The following ZSWIM6 variants were observed in gnomAD, a reference collection of about 807,000 sequenced individuals.
The protein encoded by ZSWIM6 is zinc finger SWIM domain-containing protein 6.
Under a neutral mutation model 113.2 loss-of-function variants are expected in ZSWIM6, and 9 were observed. The observed-to-expected ratio is 0.08, with a 90% CI of 0.05 to 0.14. The LOEUF is 0.14. ZSWIM6 is among the 10% of genes least tolerant of loss of function. The probability of loss-of-function intolerance (pLI) is 1.00; values close to 1 mark genes in which losing one functional copy is unlikely to be tolerated. For synonymous variants in ZSWIM6, 611 were observed against 606.5 expected, an observed-to-expected ratio of 1.01 and a Z score of -0.11; for missense variants, 1,162 against 1,552.2, an observed-to-expected ratio of 0.75 and a Z score of 4.22.
At chr5:61,490,156 T>C (rs1312111162) in intron 2 of ZSWIM6, among the ~76,000 whole-genome samples, 1 of 152,082 alleles carries the variant, frequency 6.6e-6, no homozygotes, top group African/African-American at 2.4e-5. Context: ...ACATAGGGCT[T>C]ATTACTTAGC....
At chr5:61,390,694 G>C in intron 1 of ZSWIM6, 1 of 857,470 alleles carries the variant, frequency 1.2e-6, no homozygotes, top group South Asian at 1.3e-5. Flanking sequence ...TTTGCAATTC[G>C]GTCTTTCTTG....
intron 1 of ZSWIM6, among the ~76,000 whole-genome samples, chr5:61,427,953 G>A (rs1746496638): frequency 1.3e-5 from 2 of 151,900 alleles, no homozygotes; most frequent in African/African-American, 4.8e-5. Context: ...ATAAAAATGG[G>A]ATTTTATTGT....
At position 61,396,529 on chromosome 5, in the gene ZSWIM6, CAAAAAAAAAA is replaced by C. The variant is rs60743291; in HGVS notation, c.676+63591_676+63600del. On this transcript the variant is annotated intron_variant, in intron 1 of 13. Coordinates refer to ENST00000252744, the MANE Select transcript of ZSWIM6 (RefSeq NM_020928.2). ...CTGGTGACAGAGTGAGACTCTGTCT[CAAAAAAAAAA>C]AAAAAAAAAGAGAATTGAATGTTTT... Among the ~76,000 whole-genome samples, 26 of 69,778 alleles carry C rather than the reference CAAAAAAAAAA, an allele frequency of 3.7e-4. No homozygotes were observed. In the South Asian group the frequency reaches 6.9e-3, roughly 18 times the overall value. The allele number at this position is 69,778 out of a possible 152,430, so 45.8% of individuals were successfully genotyped here. A position where few individuals can be genotyped will look rare whatever the true frequency, so the allele number is the denominator to read the frequency against.
intron 1 of ZSWIM6, among the ~76,000 whole-genome samples, chr5:61,400,894 C>A (rs1263222206): frequency 6.6e-6 from 1 of 152,106 alleles, no homozygotes; most frequent in African/African-American, 2.4e-5. Context: ...GGTGGGGAAC[C>A]CTGACAGTGT....
intron 11 of ZSWIM6, 93 bp from the exon 12 acceptor site, chr5:61,539,503 C>G: frequency 2.2e-6 from 3 of 1,356,600 alleles, no homozygotes; most frequent in East Asian, 2.5e-5. Context: ...TTTTCCCCCT[C>G]TGTGTGTGTG....
intron 1 of ZSWIM6, among the ~76,000 whole-genome samples, chr5:61,346,344 G>A (rs1744658106): frequency 6.6e-6 from 1 of 152,104 alleles, no homozygotes. Flanking sequence ...AATATCTTGG[G>A]GATAGAATAT....
chr5:61,390,816 G>A (rs1462956518), intron 1 of ZSWIM6: 4 of 799,408 alleles, frequency 5.0e-6, no homozygotes, highest in Non-Finnish European at 9.0e-6. Context: ...CCGCCGTTTG[G>A]TTGGCACTGG....
chr5:61,452,539 T>C (rs1028144176), intron 1 of ZSWIM6, among the ~76,000 whole-genome samples: 5 of 152,164 alleles, frequency 3.3e-5, no homozygotes, highest in Non-Finnish European at 5.9e-5. Context: ...TTGTGACCTT[T>C]TTGCCACAAC....
chr5:61,412,605 G>A (rs1057217429), intron 1 of ZSWIM6, among the ~76,000 whole-genome samples: 2 of 152,140 alleles, frequency 1.3e-5, no homozygotes, highest in African/African-American at 4.8e-5. Flanking sequence ...AGCAAGTTCC[G>A]CAGTGAAAAC....
intron 1 of ZSWIM6, among the ~76,000 whole-genome samples, chr5:61,424,483 C>G (rs1230848354): frequency 6.6e-6 from 1 of 152,166 alleles, no homozygotes; most frequent in Non-Finnish European, 1.5e-5. Flanking sequence ...CAGACGCTGA[C>G]AGATAATCTC....
At chr5:61,394,371 A>T (rs1248151949) in intron 1 of ZSWIM6, among the ~76,000 whole-genome samples, 1 of 152,214 alleles carries the variant, frequency 6.6e-6, no homozygotes, top group African/African-American at 2.4e-5. Flanking sequence ...GTGAAGACTC[A>T]GCCAAGTCCT....
chr5:61,442,625 G>A (rs1236917322), intron 1 of ZSWIM6, among the ~76,000 whole-genome samples: 6 of 152,164 alleles, frequency 3.9e-5, no homozygotes, highest in Non-Finnish European at 8.8e-5. Context: ...GTCTACACAG[G>A]CTCTCCTAAA....
chr5:61,435,627 T>C (rs947124525), intron 1 of ZSWIM6, among the ~76,000 whole-genome samples: 1 of 152,242 alleles, frequency 6.6e-6, no homozygotes, highest in Non-Finnish European at 1.5e-5. Context: ...CATAAACAGA[T>C]GTGGTTTTGC....
At chr5:61,537,307 A>G (rs200904042) in intron 10 of ZSWIM6, among the ~76,000 whole-genome samples, 2 of 152,164 alleles carry the variant, frequency 1.3e-5, no homozygotes, top group East Asian at 1.9e-4. Context: ...TCTCTCTTCT[A>G]TCTGCCACTA....
chr5:61,350,972 C>G (rs1744771472), intron 1 of ZSWIM6, among the ~76,000 whole-genome samples: 1 of 152,128 alleles, frequency 6.6e-6, no homozygotes, highest in African/African-American at 2.4e-5. Context: ...TTCTAGTTTT[C>G]TGTATTTTTC....
chr5:61,348,610 A>T (rs551155233), intron 1 of ZSWIM6, among the ~76,000 whole-genome samples: 2 of 152,294 alleles, frequency 1.3e-5, no homozygotes, highest in South Asian at 4.2e-4. Context: ...TTAAAAATTT[A>T]TGAGTTGCTG....
intron 1 of ZSWIM6, among the ~76,000 whole-genome samples, chr5:61,459,633 G>A (rs1299260550): frequency 6.6e-6 from 1 of 152,160 alleles, no homozygotes; most frequent in Non-Finnish European, 1.5e-5. Flanking sequence ...CTCTGGTAGA[G>A]TATTCAGATT....
chr5:61,391,115 A>G (rs1745699200), intron 1 of ZSWIM6: 1 of 755,386 alleles, frequency 1.3e-6, no homozygotes, highest in Non-Finnish European at 2.5e-6. Context: ...GTCCCAGTAC[A>G]GGCCACTTTG....
At chr5:61,529,649 C>T (rs1749377200) in intron 7 of ZSWIM6, among the ~76,000 whole-genome samples, 1 of 152,174 alleles carries the variant, frequency 6.6e-6, no homozygotes, top group Non-Finnish European at 1.5e-5. Flanking sequence ...ACTTCTTAGT[C>T]CTCTCTAATG....
Sources: gnomAD v4.1 joint callset for allele counts (sites outside exome capture counted in the v4.1 genomes callset) on GRCh38, gnomAD v4.1.1 for gene constraint, MANE v1.5 for transcripts, NCBI Gene and HGNC (gene_info 2026-07-23, HGNC 2026-07-21) for gene names.